The following RFT1 variants were observed in gnomAD, a reference collection of about 807,000 sequenced individuals.
RFT1 encodes the protein RFT1 glycolipid translocator homolog.
RFT1 carries 43 observed loss-of-function variants against 62.2 expected under a neutral mutation model. The observed-to-expected ratio is 0.69, with a 90% confidence interval of 0.54 to 0.89. The LOEUF (loss-of-function observed/expected upper bound fraction) is 0.89. RFT1 is among the 40% of genes least tolerant of loss of function. The pLI is 0.00. For missense variants in RFT1, 605 were observed against 649.9 expected (o/e 0.93, Z 0.75); for synonymous variants, 262 against 264.6 (o/e 0.99, Z 0.10).
chr3:53,096,842 T>A (rs1249839585), intron 11 of RFT1, among the ~76,000 whole-genome samples: 1 of 152,122 alleles, frequency 6.6e-6, no homozygotes, highest in Non-Finnish European at 1.5e-5. Flanking sequence ...CTTCCCAGGT[T>A]CAAGTGATTC....
chr3:53,078,259 G>T, the RFT1 span: 11 of 152,272 alleles, frequency 7.2e-5, no homozygotes, highest in African/African-American at 2.7e-4. Context: ...AGGACAGTGT[G>T]AGCACGGCAC....
chr3:53,098,376 T>G (rs577646186), intron 11 of RFT1, among the ~76,000 whole-genome samples: 2 of 152,138 alleles, frequency 1.3e-5, no homozygotes, highest in South Asian at 2.1e-4. Context: ...ATCTTTTACA[T>G]GAGCCAGCGC....
At chr3:53,116,878 C>T (rs1640483573) in intron 6 of RFT1, among the ~76,000 whole-genome samples, 2 of 152,354 alleles carry the variant, frequency 1.3e-5, no homozygotes, top group Non-Finnish European at 2.9e-5. Flanking sequence ...GCTGGGATTA[C>T]AGGTGTGAGC....
intron 7 of RFT1, among the ~76,000 whole-genome samples, chr3:53,109,822 C>A (rs1031149645): frequency 6.6e-6 from 1 of 151,644 alleles, no homozygotes; most frequent in African/African-American, 2.4e-5. Flanking sequence ...TCTACAAAAA[C>A]AAAAAACAAA....
At chr3:53,080,960 G>A in the RFT1 span, among the ~76,000 whole-genome samples, 2 of 152,202 alleles carry the variant, frequency 1.3e-5, no homozygotes, top group Non-Finnish European at 2.9e-5. Context: ...AATTCTCAAG[G>A]GAGAAAGAAT....
At chr3:53,098,742 C>T (rs765103100) in intron 11 of RFT1, among the ~76,000 whole-genome samples, 3 of 127,012 alleles carry the variant, frequency 2.4e-5, no homozygotes, top group Non-Finnish European at 4.7e-5. Flanking sequence ...GCAGAGCTTG[C>T]AGTGAGCAGA....
At chr3:53,070,393 GTTTTTTTT>G in the RFT1 span, among the ~76,000 whole-genome samples, 10 of 85,464 alleles carry the variant, frequency 1.2e-4, no homozygotes, top group Non-Finnish European at 1.8e-4. Flanking sequence ...CTGTATTATG[GTTTTTTTT>G]TTTTTTTTTT....
rs375786616 is a variant in RFT1, at chr3:53,092,778, C to T, written c.1209-160G>A. ...GCTACCTGGAGACCATGGGAATGTC[C>T]CTGTCCCCTTACCCTGAGCAGAAAG... On this transcript the variant is annotated intron_variant, in intron 11 of 12. Coordinates refer to ENST00000296292, the MANE Select transcript of RFT1 (RefSeq NM_052859.4). Among the ~76,000 whole-genome samples the T allele has an allele frequency of 4.6e-5, 7 of 152,304 alleles. No individual in the cohort carries two copies. The South Asian group carries it at 1.2e-3, about 27-fold the overall frequency.
At chr3:53,087,073 A>G (rs1700870272), downstream of RFT1, among the ~76,000 whole-genome samples, 1 of 152,078 alleles carries the variant, frequency 6.6e-6, no homozygotes, top group African/African-American at 2.4e-5. Flanking sequence ...CCCCCTCCCT[A>G]CTAAAAATAC....
chr3:53,110,985 T>C (rs975520320), intron 7 of RFT1, among the ~76,000 whole-genome samples: 78 of 152,256 alleles, frequency 5.1e-4, no homozygotes, highest in South Asian at 2.1e-4. Context: ...GTAGGTAAAC[T>C]GAAAGGACCA....
intron 6 of RFT1, 71 bp downstream of exon 6, chr3:53,119,813 G>A (rs1701914565): frequency 7.5e-7 from 1 of 1,327,342 alleles, no homozygotes; most frequent in Non-Finnish European, 1.1e-6. Flanking sequence ...TAAACCAGTT[G>A]CAGTTTCTTT....
chr3:53,103,837 C>T (rs1442312488), intron 10 of RFT1, 116 bp downstream of exon 10: 2 of 1,303,018 alleles, frequency 1.5e-6, no homozygotes, highest in East Asian at 4.7e-5. Flanking sequence ...TGCCACCAGA[C>T]AGTTTTCCCT....
At chr3:53,114,955 C>A (rs937976887) in intron 6 of RFT1, among the ~76,000 whole-genome samples, 2 of 152,162 alleles carry the variant, frequency 1.3e-5, no homozygotes, top group East Asian at 3.9e-4. Context: ...CTGTCCACTG[C>A]CCTCTGTCAC....
the RFT1 span, among the ~76,000 whole-genome samples, chr3:53,071,530 T>C: frequency 3.3e-5 from 5 of 152,196 alleles, no homozygotes; most frequent in East Asian, 3.9e-4. Flanking sequence ...ACCTGGGACA[T>C]AGAGAAAGAT....
the RFT1 span, among the ~76,000 whole-genome samples, chr3:53,066,898 T>C: frequency 6.6e-6 from 1 of 152,180 alleles, no homozygotes; most frequent in African/African-American, 2.4e-5. Context: ...AGCCAAAAAC[T>C]GGAAACAACC....
intron 10 of RFT1, 126 bp downstream of exon 10, chr3:53,103,827 T>C (rs2107108057): frequency 8.3e-7 from 1 of 1,205,884 alleles, no homozygotes; most frequent in Non-Finnish European, 1.2e-6. Flanking sequence ...CCACAGCCCC[T>C]GCCACCAGAC....
chr3:53,123,000 C>T (rs1251120354), intron 3 of RFT1, among the ~76,000 whole-genome samples: 1 of 152,246 alleles, frequency 6.6e-6, no homozygotes, highest in Non-Finnish European at 1.5e-5. Context: ...ACCAACAGAG[C>T]AGTGCTCAGT....
At position 53,100,946 on chromosome 3, in the gene RFT1, A is replaced by G. The variant is rs375308954; in HGVS notation, c.1103-1460T>C. Among the ~76,000 whole-genome samples, 19 of 146,550 alleles carry G rather than the reference A, an allele frequency of 1.3e-4. No homozygotes were observed. In the East Asian group the frequency reaches 3.1e-3, roughly 24 times the overall value. On this transcript the variant is annotated intron_variant, in intron 10 of 12. Coordinates refer to ENST00000296292, the MANE Select transcript of RFT1 (RefSeq NM_052859.4). Reference sequence around the variant, plus strand: ...TTTTACTTTATGTAAATTATACCTCAACAAAGGGAGAAAAAAAACTCCCAA... The same window carrying G: ...TTTTACTTTATGTAAATTATACCTCGACAAAGGGAGAAAAAAAACTCCCAA...
intron 10 of RFT1, among the ~76,000 whole-genome samples, chr3:53,102,785 G>C (rs1486359020): frequency 6.6e-6 from 1 of 152,234 alleles, no homozygotes; most frequent in Non-Finnish European, 1.5e-5. Flanking sequence ...GGGGACAGCA[G>C]TGTTGCGAGT....
Sources: gnomAD v4.1 joint callset for allele counts (sites outside exome capture counted in the v4.1 genomes callset) on GRCh38, gnomAD v4.1.1 for gene constraint, MANE v1.5 for transcripts, NCBI Gene and HGNC (gene_info 2026-07-23, HGNC 2026-07-21) for gene names.